Variants in ZRANB3 observed in about 807,000 individuals in gnomAD.
ZRANB3 encodes DNA annealing helicase and endonuclease ZRANB3.
A neutral mutation model predicts 133.8 loss-of-function variants in ZRANB3; 125 were observed. The ratio of observed to expected loss-of-function variants is 0.93; its 90% CI spans 0.81 to 1.08. ZRANB3 has a LOEUF of 1.08. ZRANB3 is among the 50% of genes least tolerant of loss of function. The pLI is 0.00. For missense variants in ZRANB3, 1,229 were observed against 1,275.5 expected (o/e 0.96, Z 0.56); for synonymous variants, 387 against 432.7 (o/e 0.89, Z 1.31).
At chr2:135,386,386 T>C (rs1294326591) in intron 3 of ZRANB3, among the ~76,000 whole-genome samples, 1 of 152,222 alleles carries the variant, frequency 6.6e-6, no homozygotes, top group East Asian at 1.9e-4. Context: ...GCTTTAACAC[T>C]GTTGGTGGGA....
intron 12 of ZRANB3, among the ~76,000 whole-genome samples, chr2:135,238,455 G>A (rs1401778186): frequency 1.3e-5 from 2 of 149,396 alleles, no homozygotes; most frequent in Non-Finnish European, 3.0e-5. Flanking sequence ...GTACAATGGC[G>A]CAATCTTGGC....
In ZRANB3 at chr2:135,399,966, G is replaced by A. The variant is rs142779662; in HGVS notation, c.162-9146C>T. 1.7e-4 allele frequency among the ~76,000 whole-genome samples: 26 copies of A among 152,262 alleles called. No individual in the cohort carries two copies. The East Asian group carries it at 5.0e-3, about 29-fold the overall frequency. On this transcript the variant is annotated intron_variant, in intron 2 of 20. Coordinates refer to ENST00000264159, the MANE Select transcript of ZRANB3 (RefSeq NM_032143.4). ...TCCTATTAAATTACATCCTGGCTGG[G>A]TATGGTGGCTCACACCTGTAATCCC...
chr2:135,378,709 T>C (rs73956978), intron 3 of ZRANB3, among the ~76,000 whole-genome samples: 15,587 of 152,206 alleles, frequency 0.1, 1,058 homozygotes, highest in South Asian at 0.32. Context: ...CTTTGTATGA[T>C]GTGATGACAA....
At chr2:135,492,177 CTA>C (rs1250689061) in intron 2 of ZRANB3, among the ~76,000 whole-genome samples, 10 of 152,114 alleles carry the variant, frequency 6.6e-5, no homozygotes, top group African/African-American at 2.4e-4. Flanking sequence ...ATAACAAATA[CTA>C]TGATAATTGC....
At chr2:135,370,939 T>C (rs1184857160) in intron 3 of ZRANB3, among the ~76,000 whole-genome samples, 1 of 152,224 alleles carries the variant, frequency 6.6e-6, no homozygotes, top group Non-Finnish European at 1.5e-5. Flanking sequence ...TTTCCCCTGC[T>C]TGCACTCATT....
intron 12 of ZRANB3, among the ~76,000 whole-genome samples, chr2:135,248,381 G>T (rs1028510197): frequency 6.6e-6 from 1 of 152,216 alleles, no homozygotes; most frequent in Non-Finnish European, 1.5e-5. Flanking sequence ...AATGAGCAAA[G>T]TTCTCATGAC....
intron 8 of ZRANB3, among the ~76,000 whole-genome samples, chr2:135,302,684 C>T (rs780548110): frequency 1.4e-4 from 22 of 152,040 alleles, no homozygotes; most frequent in Non-Finnish European, 2.9e-4. Context: ...CACCACCACG[C>T]CCGGCTAATT....
intron 20 of ZRANB3, among the ~76,000 whole-genome samples, chr2:135,202,232 G>A (rs1437568629): frequency 6.6e-6 from 1 of 152,134 alleles, no homozygotes; most frequent in East Asian, 1.9e-4. Flanking sequence ...TGAATACAAA[G>A]TTGCATATTG....
intron 2 of ZRANB3, among the ~76,000 whole-genome samples, chr2:135,414,736 G>C (rs1018683046): frequency 6.6e-6 from 1 of 152,080 alleles, no homozygotes; most frequent in Non-Finnish European, 1.5e-5. Flanking sequence ...TAAAAGAACA[G>C]AAATTATAAC....
chr2:135,308,448 T>A (rs1227418757), intron 8 of ZRANB3, among the ~76,000 whole-genome samples: 1 of 152,180 alleles, frequency 6.6e-6, no homozygotes, highest in South Asian at 2.1e-4. Context: ...GCTCCACTAA[T>A]GGATATGCTC....
intron 15 of ZRANB3, among the ~76,000 whole-genome samples, chr2:135,220,337 CAAA>C (rs200689271): frequency 7.6e-6 from 1 of 130,804 alleles, no homozygotes. Context: ...TTCTCTCAGC[CAAA>C]AAAAAAAAAA....
intron 3 of ZRANB3, among the ~76,000 whole-genome samples, chr2:135,366,955 A>G (rs921197533): frequency 2.0e-5 from 3 of 152,100 alleles, no homozygotes; most frequent in African/African-American, 4.8e-5. Flanking sequence ...CGGGAGGCAG[A>G]GCTTGCAGTG....
chr2:135,370,744 G>A (rs191231023), intron 3 of ZRANB3, among the ~76,000 whole-genome samples: 74 of 152,290 alleles, frequency 4.9e-4, no homozygotes, highest in Middle Eastern at 3.4e-3. Context: ...GATGTGGGAA[G>A]AGGCCCATTG....
At chr2:135,438,349 A>T (rs1051494613) in intron 2 of ZRANB3, among the ~76,000 whole-genome samples, 4 of 151,958 alleles carry the variant, frequency 2.6e-5, no homozygotes, top group African/African-American at 9.7e-5. Flanking sequence ...TACTAAAAAT[A>T]AAAAAATTAG....
At chr2:135,373,443 A>G (rs1686272557) in intron 3 of ZRANB3, among the ~76,000 whole-genome samples, 1 of 152,130 alleles carries the variant, frequency 6.6e-6, no homozygotes, top group Non-Finnish European at 1.5e-5. Flanking sequence ...GACACAGAAG[A>G]AGGAAAGGAA....
chr2:135,440,570 T>C (rs1474445503), intron 2 of ZRANB3, among the ~76,000 whole-genome samples: 7 of 152,140 alleles, frequency 4.6e-5, no homozygotes, highest in African/African-American at 7.2e-5. Context: ...GAATCTGAGA[T>C]TGAGCCAGGC....
chr2:135,350,878 T>C (rs1240400728), intron 4 of ZRANB3, among the ~76,000 whole-genome samples: 2 of 152,222 alleles, frequency 1.3e-5, no homozygotes, highest in African/African-American at 4.8e-5. Context: ...CCCTGATCTT[T>C]AGATTTCTAT....
intron 16 of ZRANB3, 79 bp from the exon 17 acceptor site, chr2:135,217,686 C>T (rs1694369154): frequency 6.7e-7 from 1 of 1,497,370 alleles, no homozygotes; most frequent in African/African-American, 1.4e-5. Context: ...TTTACAACAT[C>T]AGAAAACTGC....
chr2:135,426,421 T>C (rs908184532), intron 2 of ZRANB3, among the ~76,000 whole-genome samples: 1 of 152,140 alleles, frequency 6.6e-6, no homozygotes, highest in South Asian at 2.1e-4. Flanking sequence ...ATCCTTGATG[T>C]GCACAGATGC....
Sources: gnomAD v4.1 joint callset for allele counts (sites outside exome capture counted in the v4.1 genomes callset) on GRCh38, gnomAD v4.1.1 for gene constraint, MANE v1.5 for transcripts, NCBI Gene and HGNC (gene_info 2026-07-23, HGNC 2026-07-21) for gene names.